The following ANTXR1 variants were observed in gnomAD, a reference collection of about 807,000 sequenced individuals.
The protein encoded by ANTXR1 is ANTXR cell adhesion molecule 1.
ANTXR1 carries 19 observed loss-of-function variants against 78.1 expected under a neutral mutation model. The observed-to-expected ratio is 0.24, with a 90% CI of 0.17 to 0.36. The LOEUF is 0.36. ANTXR1 is among the 10% of genes least tolerant of loss of function. The pLI is 1.00. For synonymous variants in ANTXR1, 273 were observed against 260.5 expected (o/e 1.05, Z -0.46); for missense variants, 518 against 718.6 (o/e 0.72, Z 3.19).
At chr2:69,121,221 G>T (rs35027543) in intron 10 of ANTXR1, among the ~76,000 whole-genome samples, 4 of 152,140 alleles carry the variant, frequency 2.6e-5, no homozygotes, top group Admixed American at 1.3e-4. Context: ...TATCTGTTTC[G>T]TTCATTGCAA....
intron 8 of ANTXR1, among the ~76,000 whole-genome samples, chr2:69,083,214 G>T (rs548775266): frequency 6.6e-6 from 1 of 152,248 alleles, no homozygotes; most frequent in South Asian, 2.1e-4. Flanking sequence ...AACTGCAAAG[G>T]GTTTTCCTGT....
intron 8 of ANTXR1, among the ~76,000 whole-genome samples, chr2:69,085,443 A>C (rs915231160): frequency 1.3e-5 from 2 of 152,166 alleles, no homozygotes; most frequent in Non-Finnish European, 2.9e-5. Context: ...AGACGAGGGG[A>C]GTATTACAAG....
intron 10 of ANTXR1, among the ~76,000 whole-genome samples, chr2:69,122,219 G>T (rs956022779): frequency 2.6e-5 from 4 of 152,142 alleles, no homozygotes; most frequent in African/African-American, 7.2e-5. Context: ...CTCCAACCAA[G>T]AATGTCTCTT....
chr2:69,070,309 G>C (rs4312527), intron 3 of ANTXR1, among the ~76,000 whole-genome samples: 53,035 of 152,024 alleles, frequency 0.35, 10,896 homozygotes, highest in Non-Finnish European at 0.46. Context: ...CATTTGTATT[G>C]CTGCCTAAGT....
At chr2:69,093,876 G>GA (rs1048314348) in intron 9 of ANTXR1, among the ~76,000 whole-genome samples, 5 of 152,226 alleles carry the variant, frequency 3.3e-5, no homozygotes, top group African/African-American at 1.2e-4. Flanking sequence ...TTCTTATAGA[G>GA]AAAAAATTAA....
At chr2:69,068,521 A>G (rs758946367) in intron 3 of ANTXR1, among the ~76,000 whole-genome samples, 3 of 152,170 alleles carry the variant, frequency 2.0e-5, no homozygotes, top group Non-Finnish European at 4.4e-5. Context: ...TGAAGTGCCT[A>G]TTGGAGAAAG....
At chr2:69,166,258 G>T (rs1158681369) in intron 13 of ANTXR1, among the ~76,000 whole-genome samples, 2 of 152,182 alleles carry the variant, frequency 1.3e-5, no homozygotes, top group Admixed American at 1.3e-4. Context: ...CATCAAATCT[G>T]ACCCTACCTC....
chr2:69,202,503 T>G (rs72827692), intron 17 of ANTXR1, among the ~76,000 whole-genome samples: 15,767 of 152,204 alleles, frequency 0.1, 1,039 homozygotes, highest in Non-Finnish European at 0.15. Flanking sequence ...TTCTTTGTCT[T>G]AGTAAGACTT....
At chr2:69,046,817 C>G (rs72827617) in intron 3 of ANTXR1, among the ~76,000 whole-genome samples, 5,562 of 152,192 alleles carry the variant, frequency 0.037, 130 homozygotes, top group Middle Eastern at 0.12. Flanking sequence ...ACTTGATTGT[C>G]ACAATATCCC....
chr2:69,124,716 C>A, intron 12 of ANTXR1, 73 bp downstream of exon 12: 1 of 1,547,588 alleles, frequency 6.5e-7, no homozygotes, highest in Non-Finnish European at 8.9e-7. Context: ...AAGCAGTAAT[C>A]TTCTCCAAAG....
At chr2:69,192,391 A>C (rs369435543) in intron 16 of ANTXR1, among the ~76,000 whole-genome samples, 2 of 152,068 alleles carry the variant, frequency 1.3e-5, no homozygotes, top group East Asian at 3.9e-4. Flanking sequence ...GCCGCCCTCC[A>C]TTTCCAAAGT....
chr2:69,127,011 A>G (rs888959204), intron 12 of ANTXR1, among the ~76,000 whole-genome samples: 9 of 152,312 alleles, frequency 5.9e-5, no homozygotes, highest in African/African-American at 2.2e-4. Flanking sequence ...TATTCAACAC[A>G]TATTTATTGA....
chr2:69,068,366 A>C (rs948205943), intron 3 of ANTXR1, among the ~76,000 whole-genome samples: 1 of 152,244 alleles, frequency 6.6e-6, no homozygotes, highest in Non-Finnish European at 1.5e-5. Context: ...GAAAAAGTCT[A>C]ATAGAGGAAG....
intron 2 of ANTXR1, 120 bp from the exon 3 acceptor site, chr2:69,044,621 TG>T: frequency 9.6e-7 from 1 of 1,040,642 alleles, no homozygotes; most frequent in Non-Finnish European, 1.5e-6. Flanking sequence ...AGGCCCCCTG[TG>T]GGTTATGGGT....
chr2:69,217,803 G>A lies in ANTXR1; in HGVS notation c.1434+24388G>A, dbSNP rs539073345. On this transcript the variant is annotated intron_variant, in intron 17 of 17. Coordinates refer to ENST00000303714, the MANE Select transcript of ANTXR1 (RefSeq NM_032208.3). ...AGTTCAATTCTTTTTCTAGGCACTA[G>A]CGGTATATGGAAAAGATCCTCTTCC... 2.9e-4 allele frequency among the ~76,000 whole-genome samples: 15 copies of A among 51,858 alleles called. No homozygotes were observed. In the South Asian group the frequency reaches 0.011, roughly 39 times the overall value. 34.0% of individuals were successfully genotyped at this position (51,858 alleles called of 152,430 possible).
intron 3 of ANTXR1, among the ~76,000 whole-genome samples, chr2:69,047,101 A>C (rs1573808124): frequency 6.6e-6 from 1 of 152,168 alleles, no homozygotes; most frequent in Non-Finnish European, 1.5e-5. Context: ...ACATATATGG[A>C]GGGCTGACTT....
intron 11 of ANTXR1, among the ~76,000 whole-genome samples, chr2:69,124,198 C>T (rs573342237): frequency 2.0e-5 from 3 of 152,310 alleles, no homozygotes; most frequent in Non-Finnish European, 4.4e-5. Flanking sequence ...CCAGTCTACC[C>T]CCATTGACTT....
At chr2:69,141,253 G>A (rs1673061182) in intron 12 of ANTXR1, among the ~76,000 whole-genome samples, 1 of 152,208 alleles carries the variant, frequency 6.6e-6, no homozygotes, top group African/African-American at 2.4e-5. Context: ...AGGATGGAAA[G>A]GGAAGTGCCA....
At chr2:69,124,738 A>G in intron 12 of ANTXR1, 95 bp downstream of exon 12, 10 of 1,400,528 alleles carry the variant, frequency 7.1e-6, no homozygotes, top group Non-Finnish European at 1.0e-5. Flanking sequence ...TACCCTGGAA[A>G]GTTTTTTGGT....
Sources: allele counts gnomAD v4.1 joint callset (sites outside exome capture counted in the v4.1 genomes callset), GRCh38; gene constraint gnomAD v4.1.1; transcripts MANE v1.5; gene names NCBI Gene and HGNC (gene_info 2026-07-23, HGNC 2026-07-21).